Variants in ZFHX3 observed in about 807,000 individuals in gnomAD.
ZFHX3 encodes the protein zinc finger homeobox protein 3.
In ZFHX3, 42 loss-of-function variants were observed where a neutral mutation model predicts 279.1. The ratio of observed to expected loss-of-function variants is 0.15; its 90% CI spans 0.12 to 0.19. The LOEUF (loss-of-function observed/expected upper bound fraction) is 0.19. ZFHX3 is among the 10% of genes least tolerant of loss of function. The probability of loss-of-function intolerance (pLI) is 1.00; values close to 1 mark genes in which losing one functional copy is unlikely to be tolerated. For synonymous variants in ZFHX3, 2,293 were observed against 1,957.8 expected (o/e 1.17, Z -4.52); for missense variants, 4,981 against 4,754.0 (o/e 1.05, Z -1.40).
At chr16:73,416,378 A>G (rs77912083) in intron 3 of ZFHX3, among the ~76,000 whole-genome samples, 2 of 152,290 alleles carry the variant, frequency 1.3e-5, no homozygotes, top group Non-Finnish European at 2.9e-5. Context: ...TGTTGTAGAC[A>G]GTCAGCCCAA....
At chr16:73,806,640 C>T (rs1200443018) in intron 1 of ZFHX3, among the ~76,000 whole-genome samples, 1 of 152,292 alleles carries the variant, frequency 6.6e-6, no homozygotes, top group African/African-American at 2.4e-5. Flanking sequence ...AATGTGCCAT[C>T]CCATGCTAAG....
chr16:73,509,362 C>G (rs554883041), intron 2 of ZFHX3, among the ~76,000 whole-genome samples: 5 of 152,118 alleles, frequency 3.3e-5, no homozygotes, highest in East Asian at 1.9e-4. Flanking sequence ...CCCTCCACCC[C>G]CTAAACAATC....
rs1233434354 is a variant in ZFHX3 at position 72,788,064 on chromosome 16, G to A, written c.10212C>T (p.Pro3404=). 10 of 1,611,884 alleles carry A rather than the reference G, an allele frequency of 6.2e-6. No individual in the cohort carries two copies. The highest frequency in any genetic ancestry group is 1.1e-5 in the South Asian group (1 of 91,060). ...CTTTGTCTGGGGAAGGAGCCCCGGG[G>A]GGGACTGGGGTTTGGCTTGCTTTGG... ...QQPKASQTPV[P]PGAPSPDKDP... Residue 3404 remains proline (P), a synonymous_variant, in exon 10 of 10, where the codon CCC becomes CCT. Transcript: ENST00000268489.
At chr16:73,220,786 G>C (rs1035661910) in intron 5 of ZFHX3, among the ~76,000 whole-genome samples, 7 of 152,088 alleles carry the variant, frequency 4.6e-5, no homozygotes, top group African/African-American at 1.7e-4. Context: ...GTTTGTGTGT[G>C]TGTCTGTGTT....
intron 1 of ZFHX3, among the ~76,000 whole-genome samples, chr16:72,962,813 G>A (rs1030126686): frequency 6.6e-6 from 1 of 152,024 alleles, no homozygotes; most frequent in Non-Finnish European, 1.5e-5. Context: ...GTATTGCTAG[G>A]TAACCAGGGA....
At chr16:72,917,899 G>T (rs554357379) in intron 3 of ZFHX3, among the ~76,000 whole-genome samples, 1 of 152,240 alleles carries the variant, frequency 6.6e-6, no homozygotes, top group African/African-American at 2.4e-5. Context: ...TCACCTTACT[G>T]TTACATTTTC....
chr16:72,822,723 A>G (rs2036826043), intron 5 of ZFHX3, among the ~76,000 whole-genome samples: 1 of 151,276 alleles, frequency 6.6e-6, no homozygotes, highest in African/African-American at 2.4e-5. Flanking sequence ...CCCTTTATCT[A>G]TACCTTGATG....
At chr16:73,770,580 T>C (rs328356) in intron 1 of ZFHX3, among the ~76,000 whole-genome samples, 5,896 of 152,200 alleles carry the variant, frequency 0.039, 297 homozygotes, top group African/African-American at 0.11. Context: ...ATAAGAGTCA[T>C]AAAAAGTAAG....
chr16:73,493,009 G>A (rs1355222465), intron 2 of ZFHX3, among the ~76,000 whole-genome samples: 1 of 152,006 alleles, frequency 6.6e-6, no homozygotes, highest in Non-Finnish European at 1.5e-5. Context: ...AACATATACT[G>A]TCATAAAAGA....
At chr16:73,042,193 T>C (rs1368006463) in intron 1 of ZFHX3, among the ~76,000 whole-genome samples, 2 of 152,152 alleles carry the variant, frequency 1.3e-5, no homozygotes. Flanking sequence ...TATGACTTTT[T>C]CAGGGGATGC....
chr16:73,694,125 C>T (rs979180381), intron 1 of ZFHX3, among the ~76,000 whole-genome samples: 1 of 151,734 alleles, frequency 6.6e-6, no homozygotes, highest in Non-Finnish European at 1.5e-5. Context: ...GAGTTCAAGA[C>T]CAGCCTGGCC....
intron 3 of ZFHX3, among the ~76,000 whole-genome samples, chr16:73,348,386 G>C (rs112589309): frequency 0.038 from 5,740 of 152,182 alleles, 193 homozygotes; most frequent in African/African-American, 0.091. Context: ...TCACCTTTGG[G>C]GTGGGTCATT....
intron 3 of ZFHX3, among the ~76,000 whole-genome samples, chr16:73,416,558 G>C (rs777175878): frequency 2.0e-5 from 3 of 152,134 alleles, no homozygotes; most frequent in African/African-American, 4.8e-5. Context: ...TGCTGCCAGG[G>C]GTACTCAATT....
chr16:73,557,747 C>A (rs1173952390), intron 2 of ZFHX3, among the ~76,000 whole-genome samples: 1 of 152,018 alleles, frequency 6.6e-6, no homozygotes, highest in Non-Finnish European at 1.5e-5. Flanking sequence ...TATTTTGTGC[C>A]GACCTCCTAT....
intron 3 of ZFHX3, among the ~76,000 whole-genome samples, chr16:73,328,531 T>C (rs563936897): frequency 5.8e-4 from 88 of 152,306 alleles, no homozygotes; most frequent in Admixed American, 1.6e-3. Context: ...TATGGGGAAT[T>C]GGAGATTCAG....
chr16:73,126,309 A>G (rs1393559098), intron 7 of ZFHX3, among the ~76,000 whole-genome samples: 1 of 152,170 alleles, frequency 6.6e-6, no homozygotes, highest in Non-Finnish European at 1.5e-5. Context: ...CAGCGAGAGG[A>G]TACTGCAGAG....
At chr16:73,517,810 C>A (rs2019548919) in intron 2 of ZFHX3, among the ~76,000 whole-genome samples, 1 of 152,146 alleles carries the variant, frequency 6.6e-6, no homozygotes, top group Non-Finnish European at 1.5e-5. Flanking sequence ...CTCAGTTGCT[C>A]AGGTCTAAAG....
At chr16:73,355,942 A>C (rs1210513303) in intron 3 of ZFHX3, among the ~76,000 whole-genome samples, 1 of 152,090 alleles carries the variant, frequency 6.6e-6, no homozygotes. Context: ...GCCTGGAGCC[A>C]TTGTCCTTCC....
upstream of ZFHX3, chr16:73,060,538 C>CT (rs1965670115): frequency 7.3e-6 from 1 of 136,262 alleles, no homozygotes; most frequent in South Asian, 2.8e-4. Context: ...TTCTCTGTCT[C>CT]TTCCCCCCCC....
Sources: allele counts gnomAD v4.1 joint callset (sites outside exome capture counted in the v4.1 genomes callset), GRCh38; gene constraint gnomAD v4.1.1; transcripts MANE v1.5; gene names NCBI Gene and HGNC (gene_info 2026-07-23, HGNC 2026-07-21).